Variants in HACD2 observed in about 807,000 individuals in gnomAD.
The protein encoded by HACD2 is 3-hydroxyacyl-CoA dehydratase 2.
Under a neutral mutation model 31.0 loss-of-function variants are expected in HACD2, and 15 were observed. The observed-to-expected ratio is 0.48, with a 90% CI of 0.32 to 0.75. The LOEUF (loss-of-function observed/expected upper bound fraction) is 0.75. HACD2 is among the 30% of genes least tolerant of loss of function. The pLI is 0.03. For synonymous variants in HACD2, 115 were observed against 122.2 expected, an observed-to-expected ratio of 0.94 and a Z score of 0.39; for missense variants, 283 against 313.0, an observed-to-expected ratio of 0.90 and a Z score of 0.72.
At chr3:123,582,600 A>C (rs1254263623) in intron 1 of HACD2, among the ~76,000 whole-genome samples, 1 of 152,200 alleles carries the variant, frequency 6.6e-6, no homozygotes, top group Non-Finnish European at 1.5e-5. Flanking sequence ...TATTGAGATC[A>C]AGGCCAAAAG....
chr3:123,501,130 T>C (rs2055897236), intron 5 of HACD2, among the ~76,000 whole-genome samples: 4 of 152,062 alleles, frequency 2.6e-5, no homozygotes, highest in African/African-American at 9.7e-5. Context: ...ACACAAAGAC[T>C]GAACAACAAA....
intron 4 of HACD2, among the ~76,000 whole-genome samples, chr3:123,509,559 C>A (rs1295315442): frequency 2.7e-5 from 4 of 147,200 alleles, no homozygotes; most frequent in Admixed American, 2.7e-4. Context: ...AGTGCAGTGG[C>A]GTGATCTCAG....
At chr3:123,540,995 G>T (rs1271307412) in intron 3 of HACD2, among the ~76,000 whole-genome samples, 1 of 152,114 alleles carries the variant, frequency 6.6e-6, no homozygotes, top group Non-Finnish European at 1.5e-5. Flanking sequence ...ACCCAGCCGG[G>T]CACGATGGCT....
intron 4 of HACD2, chr3:123,502,910 G>A (rs2055922721): frequency 4.4e-6 from 2 of 457,064 alleles, no homozygotes; most frequent in African/African-American, 3.9e-5. Context: ...CCAGGAGTGA[G>A]AGCAGCAGGG....
At chr3:123,565,709 T>C (rs1031643982) in intron 3 of HACD2, among the ~76,000 whole-genome samples, 1 of 151,740 alleles carries the variant, frequency 6.6e-6, no homozygotes. Context: ...GTTAAGAGAG[T>C]TGAGGAAGAA....
At chr3:123,503,572 T>C (rs2055934524) in intron 4 of HACD2, among the ~76,000 whole-genome samples, 1 of 152,086 alleles carries the variant, frequency 6.6e-6, no homozygotes. Context: ...TTCCCTTGTG[T>C]TGAAAATTTA....
At position 123,500,709 on chromosome 3, in the gene HACD2, A is replaced by G. The variant is rs754424969; in HGVS notation, c.504-16T>C. 2.5e-6 allele frequency: 4 copies of G among 1,576,684 alleles called. No individual in the cohort carries two copies. Among genetic ancestry groups the G allele is most frequent in the African/African-American group, 1.4e-5 (1 of 73,598 alleles). ...AAGTGTGTACCTAAAACAAAACAAAATATTCATTACTGAGGCTCAAAGTCA... is the reference window on the plus strand; with the variant it reads ...AAGTGTGTACCTAAAACAAAACAAAGTATTCATTACTGAGGCTCAAAGTCA... On this transcript the variant is annotated splice_polypyrimidine_tract_variant and intron_variant, in intron 5 of 6. Transcript: ENST00000383657.
intron 3 of HACD2, among the ~76,000 whole-genome samples, chr3:123,549,884 C>CA (rs1559923655): frequency 6.6e-6 from 1 of 152,258 alleles, no homozygotes; most frequent in East Asian, 1.9e-4. Context: ...TTTTCTGCCC[C>CA]AAAATTATAA....
chr3:123,537,672 T>C (rs1353041203), intron 3 of HACD2, among the ~76,000 whole-genome samples: 1 of 152,142 alleles, frequency 6.6e-6, no homozygotes, highest in Non-Finnish European at 1.5e-5. Context: ...AAATGTCTTT[T>C]TCATGATAGT....
chr3:123,567,628 C>T (rs752882215), intron 3 of HACD2, 134 bp downstream of exon 3: 54 of 548,814 alleles, frequency 9.8e-5, no homozygotes, highest in Non-Finnish European at 1.5e-4. Context: ...ACTCTAATTT[C>T]AGCAATTTCA....
chr3:123,503,732 T>C (rs1030679610), intron 4 of HACD2, among the ~76,000 whole-genome samples: 2 of 138,442 alleles, frequency 1.4e-5, no homozygotes, highest in African/African-American at 2.7e-5. Context: ...AAAAAGACCG[T>C]CCAAGAGTGG....
intron 4 of HACD2, among the ~76,000 whole-genome samples, 187 bp downstream of exon 4, chr3:123,528,199 T>G (rs1277008193): frequency 6.6e-6 from 1 of 152,230 alleles, no homozygotes; most frequent in East Asian, 1.9e-4. Flanking sequence ...TTAACAACAC[T>G]GCATATCTGG....
At chr3:123,581,822 GCTCT>G in intron 2 of HACD2, among the ~76,000 whole-genome samples, 1 of 152,190 alleles carries the variant, frequency 6.6e-6, no homozygotes, top group East Asian at 1.9e-4. Flanking sequence ...CTCTAGACAG[GCTCT>G]CTATTATGTC....
rs550355353 is a variant in HACD2 at position 123,539,995 on chromosome 3, G to T, written c.293-11521C>A. The stretch of plus-strand genomic sequence containing the variant: ...CCAGCTACTCAGGAGGCTGAGACGG[G>T]AGGATCACTGAGCCTGAGTCTGAGG... On this transcript the variant is annotated intron_variant, in intron 3 of 6. Transcript: ENST00000383657. Among the ~76,000 whole-genome samples, 9 of 147,036 alleles carry T rather than the reference G, an allele frequency of 6.1e-5. No homozygotes were observed. The East Asian group carries it at 1.6e-3, about 26-fold the overall frequency.
At chr3:123,500,074 C>T (rs763933499) in intron 6 of HACD2, among the ~76,000 whole-genome samples, 5 of 152,158 alleles carry the variant, frequency 3.3e-5, no homozygotes, top group Non-Finnish European at 4.4e-5. Flanking sequence ...TAGTTAACTA[C>T]CAATCCCTTC....
At chr3:123,517,518 T>C (rs990809058) in intron 4 of HACD2, among the ~76,000 whole-genome samples, 1 of 152,156 alleles carries the variant, frequency 6.6e-6, no homozygotes, top group African/African-American at 2.4e-5. Context: ...GATAGTCCTT[T>C]AACTCCAGCA....
chr3:123,511,129 A>G (rs2056058045), intron 4 of HACD2, among the ~76,000 whole-genome samples: 1 of 151,916 alleles, frequency 6.6e-6, no homozygotes, highest in Non-Finnish European at 1.5e-5. Context: ...AAATTTTTTT[A>G]GTATCTCTTT....
chr3:123,537,668 CT>C (rs1243214559), intron 3 of HACD2, among the ~76,000 whole-genome samples: 2 of 151,438 alleles, frequency 1.3e-5, no homozygotes, highest in African/African-American at 4.9e-5. Flanking sequence ...TGAAAAATGT[CT>C]TTTTCATGAT....
chr3:123,494,777 T>C lies in HACD2; in HGVS notation c.*111A>G. 2.7e-6 allele frequency: 2 copies of C among 746,232 alleles called. No homozygotes were observed. Among genetic ancestry groups the C allele is most frequent in the East Asian group, 2.7e-5 (1 of 37,012 alleles). 46.2% of individuals were successfully genotyped at this position (746,232 alleles called of 1,614,324 possible). On this transcript the variant is annotated 3_prime_UTR_variant, in exon 7 of 7. Transcript: ENST00000383657. ...TTGTTTTAGTTTTGTTTGAATATTT[T>C]AAAAATAGTTCTTACTTATTTTCTA...
Sources: allele counts gnomAD v4.1 joint callset (sites outside exome capture counted in the v4.1 genomes callset), GRCh38; gene constraint gnomAD v4.1.1; transcripts MANE v1.5; gene names NCBI Gene and HGNC (gene_info 2026-07-23, HGNC 2026-07-21).